GNA14: variants seen among roughly 807,000 people sequenced by gnomAD.
GNA14 encodes guanine nucleotide-binding protein subunit alpha-14.
A neutral mutation model predicts 42.0 loss-of-function variants in GNA14; 50 were observed. That is an observed-to-expected ratio of 1.19 (90% CI 0.95 to 1.51). The LOEUF is 1.51. Among genes scored for constraint, GNA14 ranks in the 40% most tolerant of loss-of-function variants. The pLI, the probability that GNA14 is intolerant of heterozygous loss-of-function variation, is 0.00. For synonymous variants in GNA14, 173 were observed against 163.1 expected (o/e 1.06, Z -0.46); for missense variants, 473 against 446.2 (o/e 1.06, Z -0.54).
At chr9:77,457,280 T>C (rs1836018038) in intron 2 of GNA14, among the ~76,000 whole-genome samples, 1 of 152,240 alleles carries the variant, frequency 6.6e-6, no homozygotes, top group South Asian at 2.1e-4. Flanking sequence ...GGCGCATCTT[T>C]GCTGCAACTT....
chr9:77,629,451 T>G (rs955812542), intron 1 of GNA14, among the ~76,000 whole-genome samples: 29 of 152,162 alleles, frequency 1.9e-4, no homozygotes, highest in African/African-American at 7.0e-4. Context: ...GCAGCAACTA[T>G]TCACAACAGC....
chr9:77,501,246 C>T (rs1038779021), intron 2 of GNA14, among the ~76,000 whole-genome samples: 4 of 152,102 alleles, frequency 2.6e-5, no homozygotes, highest in East Asian at 1.9e-4. Context: ...TGAGCCACCA[C>T]GCCCAGCTGC....
chr9:77,474,464 A>T (rs1836384436), intron 2 of GNA14, among the ~76,000 whole-genome samples: 1 of 152,208 alleles, frequency 6.6e-6, no homozygotes, highest in African/African-American at 2.4e-5. Flanking sequence ...CCAGCAACAC[A>T]CAATGGGATT....
At chr9:77,532,645 TA>T (rs923279923) in intron 1 of GNA14, among the ~76,000 whole-genome samples, 1 of 152,186 alleles carries the variant, frequency 6.6e-6, no homozygotes, top group African/African-American at 2.4e-5. Flanking sequence ...GAGTGAAAAT[TA>T]TTGGTGACTG....
chr9:77,628,967 G>GA, intron 1 of GNA14, among the ~76,000 whole-genome samples: 1 of 152,010 alleles, frequency 6.6e-6, no homozygotes, highest in Non-Finnish European at 1.5e-5. Flanking sequence ...CAGAATGGGA[G>GA]AAAATTTTTG....
At chr9:77,569,872 T>C (rs935644688) in intron 1 of GNA14, among the ~76,000 whole-genome samples, 1 of 152,070 alleles carries the variant, frequency 6.6e-6, no homozygotes, top group Non-Finnish European at 1.5e-5. Flanking sequence ...TTTCAAGCAA[T>C]TCTCCTGCCT....
intron 1 of GNA14, among the ~76,000 whole-genome samples, chr9:77,553,463 G>C (rs1837809629): frequency 6.6e-6 from 1 of 151,524 alleles, no homozygotes; most frequent in Non-Finnish European, 1.5e-5. Context: ...TCAATGATCA[G>C]TTTTTTTTAA....
intron 1 of GNA14, among the ~76,000 whole-genome samples, chr9:77,644,551 C>T (rs1341171590): frequency 4.0e-5 from 6 of 151,782 alleles, no homozygotes; most frequent in African/African-American, 1.2e-4. Context: ...GAGAGGCCTC[C>T]GGAAAAACCA....
At chr9:77,585,966 T>G (rs1823294536) in intron 1 of GNA14, among the ~76,000 whole-genome samples, 1 of 152,214 alleles carries the variant, frequency 6.6e-6, no homozygotes. Context: ...CCCTTCTGTC[T>G]GTAACAGTAT....
At chr9:77,464,628 C>T (rs1004662389) in intron 2 of GNA14, among the ~76,000 whole-genome samples, 6 of 151,958 alleles carry the variant, frequency 3.9e-5, no homozygotes, top group African/African-American at 9.7e-5. Flanking sequence ...GAATATCCAA[C>T]GAGTCATGCC....
Position 77,529,083 on chromosome 9 carries a change from A to G in GNA14, c.295T>C (p.Cys99Arg), listed in dbSNP as rs1837486056. The change falls in exon 2 of 7, where the codon TGT becomes CGT. Residue 99 changes from cysteine (C) to arginine (R), a missense_variant. By Grantham distance (180) the Cys-to-Arg change is radical (BLOSUM62 -3). Transcript: ENST00000341700. ...AAGCACGTTACCTTATTCTGTTCAC[A>G]CACATACTGTATCCTTAGCGTGTCC... ...AMDTLRIQYV[C>R]EQNKENAQII... 6.2e-7 allele frequency: 1 copy of G among 1,614,160 alleles called. No individual in the cohort carries two copies.
At chr9:77,559,946 T>C (rs1822850920) in intron 1 of GNA14, among the ~76,000 whole-genome samples, 1 of 152,210 alleles carries the variant, frequency 6.6e-6, no homozygotes, top group South Asian at 2.1e-4. Context: ...CATACACCAT[T>C]GGCTTTAGAC....
intron 1 of GNA14, chr9:77,580,454 C>A: frequency 6.1e-6 from 2 of 326,436 alleles, no homozygotes; most frequent in Admixed American, 3.4e-5. Flanking sequence ...GCATCACAGG[C>A]ACAGGACAAT....
chr9:77,645,173 C>T (rs1824334067), intron 1 of GNA14, among the ~76,000 whole-genome samples: 1 of 152,234 alleles, frequency 6.6e-6, no homozygotes, highest in Non-Finnish European at 1.5e-5. Flanking sequence ...GAGATGGTGT[C>T]TTTGGGGGTC....
chr9:77,618,627 T>TTA lies in GNA14; in HGVS notation c.124+29042_124+29043insTA, dbSNP rs1564067892. 2.9e-3 allele frequency among the ~76,000 whole-genome samples: 98 copies of TTA among 33,752 alleles called. 1 individual carries two copies. The highest frequency in any genetic ancestry group is 0.013 in the Middle Eastern group (1 of 76). 22.1% of individuals were successfully genotyped at this position (33,752 alleles called of 152,430 possible). A position where few individuals can be genotyped will look rare whatever the true frequency, so the allele number is the denominator to read the frequency against. On this transcript the variant is annotated intron_variant, in intron 1 of 6. Transcript: ENST00000341700. The stretch of plus-strand genomic sequence containing the variant: ...ATATATATATATATATATATTTTTT[T>TTA]TTTTTTTTTTTTTTTTTTTTTTTTG...
At chr9:77,491,032 A>G (rs1298442005) in intron 2 of GNA14, among the ~76,000 whole-genome samples, 2 of 152,270 alleles carry the variant, frequency 1.3e-5, no homozygotes, top group East Asian at 1.9e-4. Flanking sequence ...AGACTTCTCA[A>G]TGGAAACCAT....
At chr9:77,512,928 A>G (rs1022330930) in intron 2 of GNA14, among the ~76,000 whole-genome samples, 3 of 152,216 alleles carry the variant, frequency 2.0e-5, no homozygotes, top group African/African-American at 7.2e-5. Context: ...ACTTCTCTTC[A>G]AGGAAAATAA....
chr9:77,628,774 C>T (rs962379158), intron 1 of GNA14, among the ~76,000 whole-genome samples: 1 of 152,088 alleles, frequency 6.6e-6, no homozygotes, highest in Non-Finnish European at 1.5e-5. Flanking sequence ...AGACCTAAAA[C>T]CATAAAAACC....
At position 77,451,627 on chromosome 9, in the gene GNA14, T is replaced by C. The variant is rs115299372; in HGVS notation, c.310-17105A>G. Among the ~76,000 whole-genome samples the C allele has an allele frequency of 3.3e-3, 495 of 152,244 alleles. 5 individuals carry two copies. Among genetic ancestry groups the C allele is most frequent in the African/African-American group, 0.011 (439 of 41,534 alleles). ...AGGCAGTTATCCCCAAAAGATAATATTGCCCCAAACTTTTTTCTCCCTTGT... is the reference window on the plus strand; with the variant it reads ...AGGCAGTTATCCCCAAAAGATAATACTGCCCCAAACTTTTTTCTCCCTTGT... On this transcript the variant is annotated intron_variant, in intron 2 of 6. Coordinates refer to ENST00000341700, the MANE Select transcript of GNA14 (RefSeq NM_004297.4).
Sources: allele counts gnomAD v4.1 joint callset (sites outside exome capture counted in the v4.1 genomes callset), GRCh38; gene constraint gnomAD v4.1.1; transcripts MANE v1.5; gene names NCBI Gene and HGNC (gene_info 2026-07-23, HGNC 2026-07-21).